The following PRKD1 variants were observed in gnomAD, a reference collection of about 807,000 sequenced individuals.
PRKD1 encodes the protein serine/threonine-protein kinase D1.
PRKD1 carries 63 observed loss-of-function variants against 95.9 expected under a neutral mutation model. That is an observed-to-expected ratio of 0.66 (90% CI 0.54 to 0.81). PRKD1 has a LOEUF of 0.81. Among genes scored for constraint, PRKD1 ranks in the 30% least tolerant of loss-of-function variants. The pLI, the probability that PRKD1 is intolerant of heterozygous loss-of-function variation, is 0.00. For synonymous variants in PRKD1, 425 were observed against 423.1 expected (o/e 1.00, Z -0.05); for missense variants, 1,048 against 1,165.3 (o/e 0.90, Z 1.47).
chr14:29,639,919 T>A (rs1880650861), intron 4 of PRKD1, among the ~76,000 whole-genome samples: 1 of 152,182 alleles, frequency 6.6e-6, no homozygotes, highest in African/African-American at 2.4e-5. Flanking sequence ...AAATTAACCA[T>A]GTTTTCTATG....
In PRKD1 at chr14:29,821,081, G is replaced by A. The variant is rs114957418; in HGVS notation, c.265-95407C>T. 9.3e-3 allele frequency among the ~76,000 whole-genome samples: 1,412 copies of A among 152,342 alleles called. 13 individuals are homozygous for A. Among genetic ancestry groups the A allele is most frequent in the African/African-American group, 0.032 (1,325 of 41,572 alleles). On this transcript the variant is annotated intron_variant, in intron 1 of 17. Coordinates refer to ENST00000331968, the MANE Select transcript of PRKD1 (RefSeq NM_002742.3). ...ATTCGAGTGTAGTATGCTTAGAAAT[G>A]TTCAAGAGACTTTATAATTACAGGA...
intron 1 of PRKD1, among the ~76,000 whole-genome samples, chr14:29,771,866 C>T (rs1888523163): frequency 6.6e-6 from 1 of 152,200 alleles, no homozygotes. Flanking sequence ...TTAATGTTTG[C>T]CCTGTTTTGT....
At chr14:29,598,172 A>G (rs570953357) in intron 15 of PRKD1, among the ~76,000 whole-genome samples, 2 of 152,048 alleles carry the variant, frequency 1.3e-5, no homozygotes, top group Non-Finnish European at 2.9e-5. Flanking sequence ...GCTATTCGAG[A>G]GGCTGAGGTG....
At chr14:29,903,520 A>G (rs2139433257) in intron 1 of PRKD1, among the ~76,000 whole-genome samples, 1 of 152,342 alleles carries the variant, frequency 6.6e-6, no homozygotes, top group South Asian at 2.1e-4. Context: ...GCCATAACAT[A>G]TAAGAGAACT....
At chr14:29,925,210 C>T (rs1054239102) in intron 1 of PRKD1, among the ~76,000 whole-genome samples, 1 of 151,696 alleles carries the variant, frequency 6.6e-6, no homozygotes, top group African/African-American at 2.4e-5. Flanking sequence ...GATGATTTTC[C>T]CTTTCCAGTA....
At chr14:29,825,883 C>T (rs939174886) in intron 1 of PRKD1, among the ~76,000 whole-genome samples, 3 of 151,832 alleles carry the variant, frequency 2.0e-5, no homozygotes, top group Non-Finnish European at 4.4e-5. Flanking sequence ...TTTCCCCCAC[C>T]AAAACAAAAA....
chr14:29,611,468 G>T (rs1033143989), intron 13 of PRKD1, among the ~76,000 whole-genome samples: 1 of 151,938 alleles, frequency 6.6e-6, no homozygotes, highest in African/African-American at 2.4e-5. Flanking sequence ...ATTTTAGGGG[G>T]TGGGGGGAGT....
chr14:29,835,799 G>T (rs1464475860), intron 1 of PRKD1, among the ~76,000 whole-genome samples: 1 of 152,074 alleles, frequency 6.6e-6, no homozygotes, highest in Non-Finnish European at 1.5e-5. Context: ...TGGAACTCCT[G>T]ACCTCATGAT....
chr14:29,689,048 C>T (rs1043241942), intron 2 of PRKD1, among the ~76,000 whole-genome samples: 28 of 150,106 alleles, frequency 1.9e-4, no homozygotes, highest in Non-Finnish European at 8.9e-5. Context: ...AGGATATAGG[C>T]ACAGGCAAAG....
At chr14:29,848,440 A>C (rs1892169585) in intron 1 of PRKD1, among the ~76,000 whole-genome samples, 1 of 152,144 alleles carries the variant, frequency 6.6e-6, no homozygotes, top group Non-Finnish European at 1.5e-5. Context: ...TAAAACATTC[A>C]AAAGCAACTG....
chr14:29,680,798 T>C lies in PRKD1; in HGVS notation c.404-14590A>G, dbSNP rs534098295. ...GATGAAAATGAGACAAACGAGTCTT[T>C]TGAGATGTAAAAAGTAAAGCATAGA... On this transcript the variant is annotated intron_variant, in intron 2 of 17. Transcript: ENST00000331968. Among the ~76,000 whole-genome samples, 4 of 152,264 alleles carry C rather than the reference T, an allele frequency of 2.6e-5. No individual in the cohort carries two copies. The South Asian group carries it at 8.3e-4, about 32-fold the overall frequency.
chr14:29,694,972 C>T (rs938819461), intron 2 of PRKD1, among the ~76,000 whole-genome samples: 1 of 152,166 alleles, frequency 6.6e-6, no homozygotes, highest in Non-Finnish European at 1.5e-5. Context: ...GTGGCTCACA[C>T]CTGTAATCTC....
rs1879945015 is a variant in PRKD1 at position 29,630,746 on chromosome 14, C to A, written c.1668G>T (p.Leu556Phe). Residue 556 changes from leucine (L) to phenylalanine (F), a missense_variant, in exon 10 of 18, where the codon TTG becomes TTT. Leu to Phe is a conservative substitution (Grantham distance 22). This residue lies in a region of PRKD1 where 739 missense variants were observed against 861.9 expected (regional missense o/e 0.86). Coordinates refer to ENST00000331968, the MANE Select transcript of PRKD1 (RefSeq NM_002742.3). ...KGSSVGTGTN[L>F]HRDISVSISV... is the part of the protein sequence containing the mutation. Reference sequence around the variant, plus strand: ...TTAGAAAACTGGCAGACTCACTGTGCAAGTTGGTTCCTGTACCCACGGAGG... The same window carrying A: ...TTAGAAAACTGGCAGACTCACTGTGAAAGTTGGTTCCTGTACCCACGGAGG... The A allele has an allele frequency of 1.2e-6, 2 of 1,614,024 alleles. No homozygotes were observed. The highest frequency in any genetic ancestry group is 1.7e-6 in the Non-Finnish European group (2 of 1,179,962).
In PRKD1 at chr14:29,892,639, T is replaced by C. The variant is rs138079904; in HGVS notation, c.264+34610A>G. On this transcript the variant is annotated intron_variant, in intron 1 of 17. Transcript: ENST00000331968. ...TAGATGATCAAGGCTGAGGCATCTT[T>C]TCAGGTACACACTGGCTTCAGTGTG... Among the ~76,000 whole-genome samples, 10 of 152,278 alleles carry C rather than the reference T, an allele frequency of 6.6e-5. No individual in the cohort carries two copies. In the East Asian group the frequency reaches 1.9e-3, roughly 29 times the overall value.
intron 16 of PRKD1, among the ~76,000 whole-genome samples, chr14:29,579,296 TTCTC>T (rs1892676044): frequency 6.6e-6 from 1 of 152,062 alleles, no homozygotes; most frequent in African/African-American, 2.4e-5. Flanking sequence ...ACTTCCATGT[TTCTC>T]TTTTTGAATT....
intron 16 of PRKD1, chr14:29,594,239 T>A (rs1024262565): frequency 2.6e-6 from 1 of 382,152 alleles, no homozygotes; most frequent in Non-Finnish European, 5.1e-6. Context: ...GTTATTAAGA[T>A]TGTAACTTAT....
intron 1 of PRKD1, among the ~76,000 whole-genome samples, chr14:29,866,826 G>C (rs1201950795): frequency 1.3e-5 from 2 of 152,198 alleles, no homozygotes; most frequent in Non-Finnish European, 2.9e-5. Flanking sequence ...TAAAAGTATT[G>C]TGGCAGCTTG....
intron 1 of PRKD1, among the ~76,000 whole-genome samples, chr14:29,868,445 T>C (rs1892986970): frequency 6.6e-6 from 1 of 152,202 alleles, no homozygotes; most frequent in Admixed American, 6.5e-5. Context: ...ACCTATACAC[T>C]GATTTCAAGA....
chr14:29,819,334 T>C (rs549278677), intron 1 of PRKD1, among the ~76,000 whole-genome samples: 1 of 151,938 alleles, frequency 6.6e-6, no homozygotes, highest in South Asian at 2.1e-4. Context: ...GTGCGTAATA[T>C]CCTCAGACAG....
Sources: gnomAD v4.1 joint callset for allele counts (sites outside exome capture counted in the v4.1 genomes callset) on GRCh38, gnomAD v4.1.1 for gene constraint, gnomAD v4.1.1 regional missense constraint, MANE v1.5 for transcripts, NCBI Gene and HGNC (gene_info 2026-07-23, HGNC 2026-07-21) for gene names.